SPARCL1: variants seen among roughly 807,000 people sequenced by gnomAD.
The protein encoded by SPARCL1 is SPARC-like protein 1.
SPARCL1 carries 52 observed loss-of-function variants against 67.1 expected under a neutral mutation model. The observed-to-expected ratio is 0.78, with a 90% CI of 0.62 to 0.98. The LOEUF (loss-of-function observed/expected upper bound fraction) is 0.98. SPARCL1 is among the 50% of genes least tolerant of loss of function. The probability of loss-of-function intolerance (pLI) is 0.00; values close to 1 mark genes in which losing one functional copy is unlikely to be tolerated. For missense variants in SPARCL1, 717 were observed against 782.4 expected, an observed-to-expected ratio of 0.92 and a Z score of 1.00; for synonymous variants, 226 against 267.8, an observed-to-expected ratio of 0.84 and a Z score of 1.52.
chr4:87,493,522 C>G, intron 4 of SPARCL1, 60 bp downstream of exon 4: 16 of 1,472,886 alleles, frequency 1.1e-5, no homozygotes, highest in Non-Finnish European at 1.5e-5. Flanking sequence ...AGAGAAAGGT[C>G]ATGACTGTTT....
intron 1 of SPARCL1, among the ~76,000 whole-genome samples, chr4:87,517,277 CA>C (rs1725620580): frequency 6.6e-6 from 1 of 152,090 alleles, no homozygotes; most frequent in African/African-American, 2.4e-5. Flanking sequence ...AGCCTCCATA[CA>C]AAGTTCTAGA....
intron 7 of SPARCL1, among the ~76,000 whole-genome samples, chr4:87,484,567 C>G (rs1394291326): frequency 6.6e-6 from 1 of 152,140 alleles, no homozygotes; most frequent in African/African-American, 2.4e-5. Context: ...GATATATGGG[C>G]TCTTTTTTGG....
At chr4:87,474,740 TC>T (rs1453624433) in intron 10 of SPARCL1, among the ~76,000 whole-genome samples, 9 of 76,732 alleles carry the variant, frequency 1.2e-4, no homozygotes, top group Non-Finnish European at 9.1e-5. Flanking sequence ...TTTCTCTCTC[TC>T]TCTTTTTTTT....
chr4:87,492,047 G>C (rs1271610798), intron 4 of SPARCL1, among the ~76,000 whole-genome samples: 1 of 151,716 alleles, frequency 6.6e-6, no homozygotes, highest in Non-Finnish European at 1.5e-5. Context: ...GAGCCCAGGA[G>C]GTTGAGGTTG....
Position 87,490,817 on chromosome 4 carries a change from T to C in SPARCL1, c.1353A>G (p.Lys451=). 1 of 1,612,914 alleles carries C rather than the reference T, an allele frequency of 6.2e-7. No homozygotes were observed. The highest frequency in any genetic ancestry group is 2.2e-5 in the East Asian group (1 of 44,832). The change falls in exon 6 of 11, where the codon AAA becomes AAG. Residue 451 remains lysine (K), a synonymous_variant. Transcript: ENST00000282470. The stretch of plus-strand genomic sequence containing the variant: ...CTGGATCCTGGCAGACACAGTGAGG[T>C]TTTCCCTGTTGGTCTGCCTTACAGA... ...GHICKADQQG[K]PHCVCQDPVT...
chr4:87,525,227 A>G (rs150334352), intron 1 of SPARCL1, among the ~76,000 whole-genome samples: 12 of 152,302 alleles, frequency 7.9e-5, no homozygotes, highest in African/African-American at 2.9e-4. Flanking sequence ...AGTGGGGGAA[A>G]CTGAGGCTCC....
At position 87,493,906 on chromosome 4, in the gene SPARCL1, A is replaced by G. The variant is rs1227869769; in HGVS notation, c.894T>C (p.Gly298=). The G allele has an allele frequency of 1.9e-6, 3 of 1,613,712 alleles. No individual in the cohort carries two copies. Among genetic ancestry groups the G allele is most frequent in the African/African-American group, 2.7e-5 (2 of 74,820 alleles). Residue 298 remains glycine (G), a synonymous_variant, in exon 4 of 11, where the codon GGT becomes GGC. Coordinates refer to ENST00000282470, the MANE Select transcript of SPARCL1 (RefSeq NM_004684.6). ...IQETEWQSQE[G]KTGLEAISNH... Reference sequence around the variant, plus strand: ...TGCTGATAGCTTCTAGGCCAGTTTTACCCTCTTGACTCTGCCATTCAGTTT... The same window carrying G: ...TGCTGATAGCTTCTAGGCCAGTTTTGCCCTCTTGACTCTGCCATTCAGTTT...
chr4:87,509,957 T>C (rs1725277576), intron 1 of SPARCL1, among the ~76,000 whole-genome samples: 1 of 152,170 alleles, frequency 6.6e-6, no homozygotes, highest in African/African-American at 2.4e-5. Flanking sequence ...GGCTGTGGTC[T>C]TAGGAGTGGA....
chr4:87,491,907 C>A (rs1385875435), intron 4 of SPARCL1, among the ~76,000 whole-genome samples: 1 of 147,218 alleles, frequency 6.8e-6, no homozygotes, highest in Non-Finnish European at 1.5e-5. Context: ...GAGTTTAAGA[C>A]CAACCTGGGC....
chr4:87,489,868 A>T (rs1189954674), intron 7 of SPARCL1, among the ~76,000 whole-genome samples: 1 of 152,234 alleles, frequency 6.6e-6, no homozygotes, highest in African/African-American at 2.4e-5. Context: ...AGACAGCCTT[A>T]AAACACTTCT....
At chr4:87,513,414 A>G (rs1725455787) in intron 1 of SPARCL1, among the ~76,000 whole-genome samples, 1 of 152,220 alleles carries the variant, frequency 6.6e-6, no homozygotes, top group Non-Finnish European at 1.5e-5. Context: ...TAGAAGCCAG[A>G]AGTTCTGGCT....
At chr4:87,518,024 G>A (rs1165485275) in intron 1 of SPARCL1, among the ~76,000 whole-genome samples, 5 of 152,108 alleles carry the variant, frequency 3.3e-5, no homozygotes, top group Admixed American at 6.6e-5. Context: ...CCTTGGTGAG[G>A]GCCAACACAT....
At chr4:87,523,260 C>CAAAA (rs10632447) in intron 1 of SPARCL1, among the ~76,000 whole-genome samples, 8 of 140,372 alleles carry the variant, frequency 5.7e-5, no homozygotes, top group African/African-American at 2.1e-4. Context: ...GACTCTGTCT[C>CAAAA]AAAAAAAAAA....
At chr4:87,505,227 A>C (rs962282366) in intron 1 of SPARCL1, among the ~76,000 whole-genome samples, 2 of 152,152 alleles carry the variant, frequency 1.3e-5, no homozygotes, top group African/African-American at 4.8e-5. Flanking sequence ...CTAAAATTGA[A>C]AATAATTCCA....
chr4:87,506,758 TTATCTA>T (rs1560824751), intron 1 of SPARCL1, among the ~76,000 whole-genome samples: 2,272 of 121,180 alleles, frequency 0.019, 54 homozygotes, highest in African/African-American at 0.066. Flanking sequence ...TAAGTCCTCA[TTATCTA>T]TATCTCTATC....
chr4:87,508,437 C>T (rs989356925), intron 1 of SPARCL1, among the ~76,000 whole-genome samples: 11 of 151,814 alleles, frequency 7.2e-5, no homozygotes, highest in African/African-American at 2.4e-4. Flanking sequence ...TGGGCTCAAA[C>T]GATTGTCCCA....
intron 10 of SPARCL1, among the ~76,000 whole-genome samples, chr4:87,476,946 C>T (rs1176302943): frequency 6.6e-6 from 1 of 152,188 alleles, no homozygotes; most frequent in Non-Finnish European, 1.5e-5. Context: ...CATTCCAAAG[C>T]AGTAAGTTGT....
At chr4:87,479,678 T>C in intron 9 of SPARCL1, 100 bp from the exon 10 acceptor site, 1 of 1,070,132 alleles carries the variant, frequency 9.3e-7, no homozygotes, top group Middle Eastern at 2.7e-4. Flanking sequence ...AAGGTTGCTG[T>C]ATATGTGATA....
intron 8 of SPARCL1, among the ~76,000 whole-genome samples, chr4:87,481,943 A>G (rs1193017299): frequency 1.3e-5 from 2 of 152,192 alleles, no homozygotes; most frequent in Non-Finnish European, 2.9e-5. Flanking sequence ...CACCCAGGAT[A>G]CACTCAATAA....
Sources: allele counts gnomAD v4.1 joint callset (sites outside exome capture counted in the v4.1 genomes callset), GRCh38; gene constraint gnomAD v4.1.1; transcripts MANE v1.5; gene names NCBI Gene and HGNC (gene_info 2026-07-23, HGNC 2026-07-21).